Variants in IMMP2L observed in about 807,000 individuals in gnomAD.
IMMP2L encodes the protein mitochondrial inner membrane protease subunit 2.
In IMMP2L, 18 loss-of-function variants were observed where a neutral mutation model predicts 19.3. That is an observed-to-expected ratio of 0.93 (90% CI 0.64 to 1.38). IMMP2L has a LOEUF of 1.38. IMMP2L is among the 40% of genes most tolerant of loss of function. The pLI, the probability that IMMP2L is intolerant of heterozygous loss-of-function variation, is 0.00. For synonymous variants in IMMP2L, 76 were observed against 73.0 expected, an observed-to-expected ratio of 1.04 and a Z score of -0.21; for missense variants, 233 against 218.2, an observed-to-expected ratio of 1.07 and a Z score of -0.43.
intron 3 of IMMP2L, among the ~76,000 whole-genome samples, chr7:111,203,078 A>G (rs1207804278): frequency 2.8e-4 from 43 of 152,322 alleles, no homozygotes; most frequent in Non-Finnish European, 2.9e-5. Context: ...AGTACTATCT[A>G]TTCAGACACA....
At chr7:111,340,051 A>T (rs149211292) in intron 3 of IMMP2L, among the ~76,000 whole-genome samples, 1 of 152,148 alleles carries the variant, frequency 6.6e-6, no homozygotes, top group African/African-American at 2.4e-5. Context: ...ATTCACTGTA[A>T]CATATTAAAC....
At chr7:111,517,476 T>C (rs2613589) in intron 2 of IMMP2L, among the ~76,000 whole-genome samples, 11,930 of 150,964 alleles carry the variant, frequency 0.079, 602 homozygotes, top group African/African-American at 0.13. Context: ...TGACACAAAA[T>C]TATTTATTTT....
intron 3 of IMMP2L, among the ~76,000 whole-genome samples, chr7:111,275,997 T>C (rs1442267130): frequency 6.6e-6 from 1 of 152,114 alleles, no homozygotes; most frequent in Non-Finnish European, 1.5e-5. Context: ...CAGGGATAAT[T>C]TGACTTCCTC....
At chr7:111,385,114 A>G (rs1831603159) in intron 3 of IMMP2L, among the ~76,000 whole-genome samples, 1 of 152,140 alleles carries the variant, frequency 6.6e-6, no homozygotes, top group Non-Finnish European at 1.5e-5. Flanking sequence ...GTAATAAATA[A>G]AATGTATATG....
At chr7:111,336,089 A>T (rs1019260037) in intron 3 of IMMP2L, among the ~76,000 whole-genome samples, 4 of 152,056 alleles carry the variant, frequency 2.6e-5, no homozygotes, top group African/African-American at 9.7e-5. Context: ...TCACTGTGTC[A>T]TCCAGGCTGG....
intron 3 of IMMP2L, among the ~76,000 whole-genome samples, chr7:111,186,720 C>T (rs557663418): frequency 1.8e-4 from 28 of 152,172 alleles, no homozygotes; most frequent in African/African-American, 6.5e-4. Context: ...CATGAGCCAC[C>T]GTGCCCAGCC....
chr7:110,955,534 G>T (rs1319266175), intron 4 of IMMP2L, among the ~76,000 whole-genome samples: 1 of 151,702 alleles, frequency 6.6e-6, no homozygotes, highest in Non-Finnish European at 1.5e-5. Context: ...GTAAAGACAG[G>T]TGTACAATAC....
intron 5 of IMMP2L, among the ~76,000 whole-genome samples, chr7:110,838,389 T>C (rs559345465): frequency 6.6e-6 from 1 of 152,278 alleles, no homozygotes; most frequent in African/African-American, 2.4e-5. Context: ...TACAGTTTTA[T>C]AGGTTGCTAT....
chr7:110,907,153 GT>G, intron 4 of IMMP2L, among the ~76,000 whole-genome samples: 1 of 152,286 alleles, frequency 6.6e-6, no homozygotes, highest in African/African-American at 2.4e-5. Context: ...GATGGCTTAA[GT>G]GTTAACAGCT....
At chr7:110,746,997 A>G (rs1484985341) in intron 5 of IMMP2L, among the ~76,000 whole-genome samples, 1 of 152,206 alleles carries the variant, frequency 6.6e-6, no homozygotes, top group Non-Finnish European at 1.5e-5. Flanking sequence ...CAAAATTGAT[A>G]GACCACTAGC....
At chr7:110,997,043 T>C (rs779505125) in intron 3 of IMMP2L, among the ~76,000 whole-genome samples, 1 of 152,044 alleles carries the variant, frequency 6.6e-6, no homozygotes, top group Non-Finnish European at 1.5e-5. Flanking sequence ...TGCTACCCTT[T>C]AATAGCCACA....
At chr7:110,934,333 GT>G (rs1252914321) in intron 4 of IMMP2L, among the ~76,000 whole-genome samples, 1 of 152,060 alleles carries the variant, frequency 6.6e-6, no homozygotes, top group Non-Finnish European at 1.5e-5. Flanking sequence ...GGGGTGGAGA[GT>G]TCTGTAGATG....
chr7:111,510,529 G>C (rs917328986), intron 2 of IMMP2L, among the ~76,000 whole-genome samples: 18 of 152,056 alleles, frequency 1.2e-4, no homozygotes, highest in African/African-American at 4.3e-4. Flanking sequence ...CTTCCAGCTA[G>C]CAAGAGCTCA....
intron 5 of IMMP2L, among the ~76,000 whole-genome samples, chr7:110,690,869 C>A (rs1286478934): frequency 2.6e-5 from 4 of 151,868 alleles, no homozygotes; most frequent in Non-Finnish European, 4.4e-5. Flanking sequence ...TTGGAAGAAT[C>A]AATATGGTGA....
intron 5 of IMMP2L, among the ~76,000 whole-genome samples, chr7:110,821,652 T>C (rs983275851): frequency 6.6e-6 from 1 of 151,742 alleles, no homozygotes; most frequent in Non-Finnish European, 1.5e-5. Context: ...GTGGCTCACA[T>C]CCATAATCCC....
At chr7:111,528,857 G>C (rs1847132340) in intron 1 of IMMP2L, among the ~76,000 whole-genome samples, 1 of 152,072 alleles carries the variant, frequency 6.6e-6, no homozygotes. Context: ...ACAAAATCAA[G>C]ATTTTATTTA....
At chr7:110,685,117 C>T (rs1487578646) in intron 5 of IMMP2L, among the ~76,000 whole-genome samples, 1 of 151,996 alleles carries the variant, frequency 6.6e-6, no homozygotes. Flanking sequence ...AGAATATTGT[C>T]TCTAATCATA....
intron 3 of IMMP2L, among the ~76,000 whole-genome samples, chr7:111,092,590 T>C (rs896022765): frequency 2.0e-5 from 3 of 152,192 alleles, no homozygotes; most frequent in Non-Finnish European, 2.9e-5. Context: ...ATTACTGATA[T>C]ATTTCTCATC....
chr7:111,358,787 G>A (rs933705009), intron 3 of IMMP2L, among the ~76,000 whole-genome samples: 1 of 152,110 alleles, frequency 6.6e-6, no homozygotes, highest in African/African-American at 2.4e-5. Flanking sequence ...GAGACAACTG[G>A]AAATGGGAGA....
Sources: gnomAD v4.1 joint callset for allele counts (sites outside exome capture counted in the v4.1 genomes callset) on GRCh38, gnomAD v4.1.1 for gene constraint, MANE v1.5 for transcripts, NCBI Gene and HGNC (gene_info 2026-07-23, HGNC 2026-07-21) for gene names.